The following SPIDR variants were observed in gnomAD, a reference collection of about 807,000 sequenced individuals.
The protein encoded by SPIDR is scaffold protein involved in DNA repair, also known as DNA repair-scaffolding protein.
A neutral mutation model predicts 104.6 loss-of-function variants in SPIDR; 93 were observed. The observed-to-expected ratio is 0.89, with a 90% confidence interval of 0.75 to 1.06. SPIDR has a LOEUF of 1.06. Ranked by LOEUF, SPIDR falls within the 50% of genes least tolerant of loss-of-function variation. The pLI, the probability that SPIDR is intolerant of heterozygous loss-of-function variation, is 0.00. For synonymous variants in SPIDR, 431 were observed against 416.9 expected, an observed-to-expected ratio of 1.03 and a Z score of -0.41; for missense variants, 1,154 against 1,111.2, an observed-to-expected ratio of 1.04 and a Z score of -0.55.
chr8:47,734,250 G>C (rs900779814), intron 19 of SPIDR, among the ~76,000 whole-genome samples: 16 of 152,086 alleles, frequency 1.1e-4, no homozygotes, highest in African/African-American at 3.6e-4. Flanking sequence ...GGGCCAGCTG[G>C]AAGCTGGGCA....
intron 8 of SPIDR, among the ~76,000 whole-genome samples, chr8:47,481,365 G>T (rs1158856477): frequency 6.6e-6 from 1 of 152,218 alleles, no homozygotes; most frequent in African/African-American, 2.4e-5. Flanking sequence ...GGCCAGATGC[G>T]TTGGCTCATG....
intron 1 of SPIDR, among the ~76,000 whole-genome samples, chr8:47,268,115 G>T (rs936751253): frequency 1.3e-5 from 2 of 152,074 alleles, no homozygotes; most frequent in African/African-American, 4.8e-5. Context: ...AATTGTCTTG[G>T]CACTTTTTTG....
At chr8:47,330,303 A>G (rs1554603707) in intron 5 of SPIDR, among the ~76,000 whole-genome samples, 1 of 152,098 alleles carries the variant, frequency 6.6e-6, no homozygotes, top group African/African-American at 2.4e-5. Context: ...TCCTATTATC[A>G]ACATATCCCC....
chr8:47,627,791 G>C (rs1292169811), intron 10 of SPIDR, among the ~76,000 whole-genome samples: 1 of 152,168 alleles, frequency 6.6e-6, no homozygotes, highest in Non-Finnish European at 1.5e-5. Context: ...TTCACTGAGA[G>C]CATTTGGAAA....
intron 11 of SPIDR, among the ~76,000 whole-genome samples, chr8:47,686,297 G>T (rs144550925): frequency 1.9e-3 from 286 of 152,302 alleles, no homozygotes; most frequent in Middle Eastern, 0.01. Flanking sequence ...TTCAGAAGCA[G>T]AATAGAAATG....
At chr8:47,712,932 C>A in intron 15 of SPIDR, 60 bp downstream of exon 15, 1 of 1,596,990 alleles carries the variant, frequency 6.3e-7, no homozygotes, top group South Asian at 1.1e-5. Context: ...CATAGAATAC[C>A]TCTTGTGGCC....
chr8:47,402,302 A>T (rs2062016079), intron 6 of SPIDR, among the ~76,000 whole-genome samples: 1 of 152,226 alleles, frequency 6.6e-6, no homozygotes, highest in Non-Finnish European at 1.5e-5. Flanking sequence ...GAACTAGAGA[A>T]GCAAGAGCCA....
At chr8:47,594,329 C>T (rs2061410804) in intron 8 of SPIDR, among the ~76,000 whole-genome samples, 2 of 151,230 alleles carry the variant, frequency 1.3e-5, no homozygotes, top group South Asian at 2.1e-4. Flanking sequence ...GAGCTGAGAT[C>T]GTGCCCCCAG....
At chr8:47,350,882 A>G (rs2053382420) in intron 5 of SPIDR, among the ~76,000 whole-genome samples, 1 of 152,182 alleles carries the variant, frequency 6.6e-6, no homozygotes, top group African/African-American at 2.4e-5. Context: ...AAAGTATTAA[A>G]TGGAAAATTC....
At chr8:47,350,400 A>G (rs191873829) in intron 5 of SPIDR, among the ~76,000 whole-genome samples, 4 of 151,926 alleles carry the variant, frequency 2.6e-5, no homozygotes, top group Admixed American at 6.6e-5. Context: ...TGCAACCTCT[A>G]CCTCCTGGGT....
intron 1 of SPIDR, among the ~76,000 whole-genome samples, chr8:47,264,098 C>G (rs1473946659): frequency 6.6e-6 from 1 of 152,180 alleles, no homozygotes; most frequent in African/African-American, 2.4e-5. Flanking sequence ...GGATATCTGC[C>G]TCAGCAGTAC....
At chr8:47,422,202 C>A (rs971240656) in intron 7 of SPIDR, among the ~76,000 whole-genome samples, 5 of 152,220 alleles carry the variant, frequency 3.3e-5, no homozygotes, top group Non-Finnish European at 5.9e-5. Context: ...GTCCTGCCCC[C>A]AGAGGTGGAG....
intron 5 of SPIDR, among the ~76,000 whole-genome samples, chr8:47,388,863 G>A (rs1554649813): frequency 6.6e-6 from 1 of 152,190 alleles, no homozygotes; most frequent in Non-Finnish European, 1.5e-5. Context: ...ATACTTTATG[G>A]TTTTGAGAAA....
At chr8:47,401,471 C>G (rs1275310984) in intron 6 of SPIDR, among the ~76,000 whole-genome samples, 1 of 152,108 alleles carries the variant, frequency 6.6e-6, no homozygotes. Flanking sequence ...GGATCAAATT[C>G]ACACATAACA....
chr8:47,658,311 G>T (rs1454455424), intron 10 of SPIDR, among the ~76,000 whole-genome samples: 1 of 151,784 alleles, frequency 6.6e-6, no homozygotes, highest in Non-Finnish European at 1.5e-5. Flanking sequence ...CCAGCTACTC[G>T]GGAGGCTGAG....
chr8:47,276,253 T>C lies in SPIDR; in HGVS notation c.34-3609T>C, dbSNP rs948776289. 1.2e-4 allele frequency among the ~76,000 whole-genome samples: 18 copies of C among 152,370 alleles called. No homozygotes were observed. In the South Asian group the frequency reaches 3.7e-3, roughly 32 times the overall value. ...ATTTGAAAGTTACCTGTCCAGTTTG[T>C]ATAGCTCTAGATATATTCTGTACTT... On this transcript the variant is annotated intron_variant, in intron 1 of 19. Transcript: ENST00000297423.
At chr8:47,275,063 T>A (rs999418731) in intron 1 of SPIDR, among the ~76,000 whole-genome samples, 1 of 151,082 alleles carries the variant, frequency 6.6e-6, no homozygotes, top group Non-Finnish European at 1.5e-5. Context: ...ATCGAGACCA[T>A]CCTGGCTAAC....
intron 8 of SPIDR, among the ~76,000 whole-genome samples, chr8:47,476,360 G>A (rs1269961340): frequency 6.6e-6 from 1 of 152,144 alleles, no homozygotes; most frequent in African/African-American, 2.4e-5. Context: ...CCACAGCTGT[G>A]ACACAGCATT....
chr8:47,666,192 A>C (rs1397821243), intron 10 of SPIDR, among the ~76,000 whole-genome samples: 1 of 152,200 alleles, frequency 6.6e-6, no homozygotes, highest in Non-Finnish European at 1.5e-5. Flanking sequence ...AAACTAATTA[A>C]AATTAAATAA....
Sources: gnomAD v4.1 joint callset for allele counts (sites outside exome capture counted in the v4.1 genomes callset) on GRCh38, gnomAD v4.1.1 for gene constraint, MANE v1.5 for transcripts, NCBI Gene and HGNC (gene_info 2026-07-23, HGNC 2026-07-21) for gene names.